The following MAGEB6 variants were observed in gnomAD, a reference collection of about 807,000 sequenced individuals.
MAGEB6 encodes the protein MAGE family member B6.
For synonymous variants in MAGEB6, 128 were observed against 136.2 expected (o/e 0.94, Z 0.42); for missense variants, 327 against 329.7 (o/e 0.99, Z 0.06).
At chrX:26,193,548 G>GC (rs1423843647) in intron 1 of MAGEB6, among the ~76,000 whole-genome samples, 2 of 109,615 alleles carry the variant, frequency 1.8e-5, no homozygotes, top group Non-Finnish European at 3.8e-5. Context: ...GAACAGAGGG[G>GC]CCCCCACTGC....
At position 26,194,514 on chromosome X, in the gene MAGEB6, A is replaced by T; in HGVS notation, c.668A>T (p.Lys223Met). ...KESILKADML[K>M]CVRREYKPYF... ...TCCATTTTGAAGGCAGACATGCTGA[A>T]GTGTGTCCGCAGAGAGTACAAGCCC... The change falls in exon 2 of 2, where the codon AAG becomes ATG. Residue 223 changes from lysine (K) to methionine (M), a missense_variant. Coordinates refer to ENST00000379034, the MANE Select transcript of MAGEB6 (RefSeq NM_173523.2). The T allele has an allele frequency of 8.3e-7, 1 of 1,211,806 alleles. No homozygotes were observed. The highest frequency in any genetic ancestry group is 1.1e-6 in the Non-Finnish European group (1 of 895,473).
rs1190930425 is a variant in MAGEB6, at chrX:26,193,798, C to G, written c.-49C>G. ...CTCTCCCATCCAGGTGCCAGCCTTC[C>G]TAGTCTTCCTACCCACACTCCTACC... is the stretch of plus-strand genomic sequence containing the variant. On this transcript the variant is annotated 5_prime_UTR_variant, in exon 2 of 2. Coordinates refer to ENST00000379034, the MANE Select transcript of MAGEB6 (RefSeq NM_173523.2). 9 of 1,130,656 alleles carry G rather than the reference C, an allele frequency of 8.0e-6. No homozygotes were observed. The highest frequency in any genetic ancestry group is 3.0e-5 in the East Asian group (1 of 33,097). 93.2% of individuals were successfully genotyped at this position (1,130,656 alleles called of 1,213,427 possible).
In MAGEB6 at chrX:26,194,393, A is replaced by G. The variant is rs753506759; in HGVS notation, c.547A>G (p.Lys183Glu). ...EDEESVSASQKAIIFKRLSKD... is the reference protein window; with the variant it reads ...EDEESVSASQEAIIFKRLSKD... ...TGAGGAAAGTGTAAGCGCCTCACAG[A>G]AAGCCATCATTTTTAAGCGCTTAAG... Residue 183 changes from lysine (K) to glutamate (E), a missense_variant, in exon 2 of 2, where the codon AAA becomes GAA. Lys to Glu is a moderately conservative substitution (Grantham distance 56). Coordinates refer to ENST00000379034, the MANE Select transcript of MAGEB6 (RefSeq NM_173523.2). 7.4e-6 allele frequency: 9 copies of G among 1,210,530 alleles called. No homozygotes were observed. The African/African-American group carries it at 1.6e-4, about 21-fold the overall frequency.
In MAGEB6 at chrX:26,194,182, T is replaced by C. The variant is rs774183960; in HGVS notation, c.336T>C (p.Thr112=). The C allele has an allele frequency of 1.3e-5, 15 of 1,166,818 alleles. 2 individuals are homozygous for C. In the African/African-American group the frequency reaches 2.7e-4, roughly 21 times the overall value. The change falls in exon 2 of 2, where the codon ACT becomes ACC. Residue 112 remains threonine, a synonymous_variant. Coordinates refer to ENST00000379034, the MANE Select transcript of MAGEB6 (RefSeq NM_173523.2). ...VPQESQGASP[T]GSPDAGVSGS... is the part of the protein sequence containing the mutation. ...AGGAGTCTCAGGGAGCTTCACCCAC[T>C]GGCTCTCCTGATGCAGGTGTTTCAG...
rs375799757 is a variant in MAGEB6 at position 26,194,004 on chromosome X, G to A, written c.158G>A (p.Arg53His). The change falls in exon 2 of 2, where the codon CGT (arginine) becomes CAT (histidine). Residue 53 changes from arginine (R) to histidine (H), a missense_variant. Arg to His is a conservative substitution (Grantham distance 29). Coordinates refer to ENST00000379034, the MANE Select transcript of MAGEB6 (RefSeq NM_173523.2). ...TCTCGCGCTTGTCTGGGTGATTGTC[G>A]TAGGTCTTCTGATGCCTCCATTCCT... ...SSSRACLGDC[R>H]RSSDASIPQE... The A allele has an allele frequency of 1.0e-4, 124 of 1,210,038 alleles. 1 individual carries two copies. In the Admixed American group the frequency reaches 2.1e-3, roughly 20 times the overall value.
rs879198314 is a variant in MAGEB6, at chrX:26,194,253, C to G, written c.407C>G (p.Pro136Arg). Reference protein sequence around the residue: ...VAANGQDEKSPSTSHDVSVPQ... With the variant: ...VAANGQDEKSRSTSHDVSVPQ... ...GCCAACGGCCAAGATGAGAAAAGTC[C>G]AAGCACTTCCCATGATGTCTCCGTT... The change falls in exon 2 of 2, where the codon CCA (proline) becomes CGA (arginine). Residue 136 changes from proline (P) to arginine (R), a missense_variant. By Grantham distance (103) the Pro-to-Arg change is moderately radical. Coordinates refer to ENST00000379034, the MANE Select transcript of MAGEB6 (RefSeq NM_173523.2). 8.3e-7 allele frequency: 1 copy of G among 1,202,903 alleles called. No individual in the cohort carries two copies. The highest frequency in any genetic ancestry group is 1.8e-5 in the African/African-American group (1 of 55,413).
chrX:26,192,793 T>C (rs1929128171), intron 1 of MAGEB6, among the ~76,000 whole-genome samples: 1 of 111,507 alleles, frequency 9.0e-6, no homozygotes, highest in African/African-American at 3.3e-5. Flanking sequence ...CTCCTTAGAA[T>C]TGAGGGAGGG....
chrX:26,195,292 A>C lies in MAGEB6; in HGVS notation c.*222A>C, dbSNP rs914750218. ...TGCAGATTTATGTTTTATCTCTGTC[A>C]GTTATCAACATTGTTCCTGTTAAGT... On this transcript the variant is annotated 3_prime_UTR_variant, in exon 2 of 2. Transcript: ENST00000379034. The C allele has an allele frequency of 2.6e-6, 1 of 384,349 alleles. No individual in the cohort carries two copies. Among genetic ancestry groups the C allele is most frequent in the Non-Finnish European group, 4.6e-6 (1 of 219,363 alleles). 31.7% of individuals were successfully genotyped at this position (384,349 alleles called of 1,213,427 possible).
chrX:26,194,002 T>C lies in MAGEB6; in HGVS notation c.156T>C (p.Cys52=), dbSNP rs765070672. 1.9e-5 allele frequency: 23 copies of C among 1,210,061 alleles called. No homozygotes were observed. The Middle Eastern group carries it at 1.4e-3, about 72-fold the overall frequency. The change falls in exon 2 of 2, where the codon TGT becomes TGC. Residue 52 remains cysteine (C), a synonymous_variant. Coordinates refer to ENST00000379034, the MANE Select transcript of MAGEB6 (RefSeq NM_173523.2). ...SSSSRACLGD[C]RRSSDASIPQ... ...CTTCTCGCGCTTGTCTGGGTGATTG[T>C]CGTAGGTCTTCTGATGCCTCCATTC... is the stretch of plus-strand genomic sequence containing the variant.
intron 1 of MAGEB6, 117 bp downstream of exon 1, chrX:26,192,644 G>T (rs1929125975): frequency 9.0e-6 from 1 of 111,510 alleles, no homozygotes; most frequent in African/African-American, 3.3e-5. Context: ...TCCCTGAGGA[G>T]TCCCCAAACA....
chrX:26,192,653 C>T (rs1226531406), intron 1 of MAGEB6, 126 bp downstream of exon 1: 1 of 111,612 alleles, frequency 9.0e-6, no homozygotes, highest in African/African-American at 3.3e-5. Context: ...AGTCCCCAAA[C>T]ATGGCTGTTA....
chrX:26,195,135 A>T lies in MAGEB6; in HGVS notation c.*65A>T. ...GGGGCCATATCCTACAGATCCTCCCATTTCTAGGGAGGTCTGAAGTAGAAT... is the reference window on the plus strand; with the variant it reads ...GGGGCCATATCCTACAGATCCTCCCTTTTCTAGGGAGGTCTGAAGTAGAAT... On this transcript the variant is annotated 3_prime_UTR_variant, in exon 2 of 2. Transcript: ENST00000379034. The T allele has an allele frequency of 8.9e-7, 1 of 1,118,691 alleles. No homozygotes were observed. Among genetic ancestry groups the T allele is most frequent in the Non-Finnish European group, 1.2e-6 (1 of 833,663 alleles). The allele number at this position is 1,118,691 out of a possible 1,213,427, so 92.2% of individuals were successfully genotyped here. A position where few individuals can be genotyped will look rare whatever the true frequency, so the allele number is the denominator to read the frequency against.
At position 26,193,966 on chromosome X, in the gene MAGEB6, T is replaced by C; in HGVS notation, c.120T>C (p.Ser40=). The C allele has an allele frequency of 5.8e-6, 7 of 1,211,557 alleles. No individual in the cohort carries two copies. The highest frequency in any genetic ancestry group is 7.8e-6 in the Non-Finnish European group (7 of 895,288). Residue 40 remains serine, a synonymous_variant, in exon 2 of 2, where the codon TCT becomes TCC. Transcript: ENST00000379034. ...CAGAGAAGCAGGAAGAGTCCCACTC[T>C]TCCTCATCCTCTTCTCGCGCTTGTC... is the stretch of plus-strand genomic sequence containing the variant. ...ATAEKQEESH[S]SSSSSRACLG...
At chrX:26,192,636 C>T (rs1487753564) in intron 1 of MAGEB6, 109 bp downstream of exon 1, 2 of 111,496 alleles carry the variant, frequency 1.8e-5, no homozygotes, top group East Asian at 2.8e-4. Flanking sequence ...CGACCTGGTC[C>T]CTGAGGAGTC....
rs769254324 is a variant in MAGEB6 at position 26,194,138 on chromosome X, C to T, written c.292C>T (p.Arg98Cys). 1.4e-5 allele frequency: 17 copies of T among 1,173,871 alleles called. No homozygotes were observed. The highest frequency in any genetic ancestry group is 1.9e-5 in the South Asian group (1 of 53,111). The change falls in exon 2 of 2, where the codon CGT becomes TGT. Residue 98 changes from arginine (R) to cysteine (C), a missense_variant. Arg to Cys is a radical substitution (Grantham distance 180). Transcript: ENST00000379034. Reference sequence around the variant, plus strand: ...AGATGAGAAAAGTCCAAGCACCTCCCGTGATGCCTCCGTTCCTCAGGAGTC... The same window carrying T: ...AGATGAGAAAAGTCCAAGCACCTCCTGTGATGCCTCCGTTCCTCAGGAGTC... ...GQDEKSPSTS[R>C]DASVPQESQG...
intron 1 of MAGEB6, among the ~76,000 whole-genome samples, chrX:26,193,119 C>T (rs1385741609): frequency 9.0e-6 from 1 of 111,319 alleles, no homozygotes; most frequent in African/African-American, 3.3e-5. Flanking sequence ...GAAGTGCTTC[C>T]TTATTTCCTC....
At position 26,193,892 on chromosome X, in the gene MAGEB6, C is replaced by T; in HGVS notation, c.46C>T (p.Gln16Ter). The T allele has an allele frequency of 8.4e-7, 1 of 1,190,583 alleles. No individual in the cohort carries two copies. Among genetic ancestry groups the T allele is most frequent in the Non-Finnish European group, 1.1e-6 (1 of 884,705 alleles). ...KSKLRTCEKR[Q>*]ETNGQPQGLT... ...TAAGCTCCGTACCTGTGAGAAACGC[C>T]AAGAGACCAATGGTCAGCCACAGGG... Residue 16 changes from glutamine (Q) to a stop codon, truncating the protein, a stop_gained, in exon 2 of 2, where the codon CAA becomes TAA. Coordinates refer to ENST00000379034, the MANE Select transcript of MAGEB6 (RefSeq NM_173523.2). LOFTEE classifies it low-confidence loss of function (END_TRUNC).
chrX:26,193,923 C>G lies in MAGEB6; in HGVS notation c.77C>G (p.Thr26Arg). The stretch of plus-strand genomic sequence containing the variant: ...ACCAATGGTCAGCCACAGGGTCTCA[C>G]GGGTCCCCAGGCCACTGCAGAGAAG... ...QETNGQPQGL[T>R]GPQATAEKQE... The change falls in exon 2 of 2, where the codon ACG (threonine) becomes AGG (arginine). Residue 26 changes from threonine (T) to arginine (R), a missense_variant. Coordinates refer to ENST00000379034, the MANE Select transcript of MAGEB6 (RefSeq NM_173523.2). 1 of 1,206,332 alleles carries G rather than the reference C, an allele frequency of 8.3e-7. No individual in the cohort carries two copies. The highest frequency in any genetic ancestry group is 1.1e-6 in the Non-Finnish European group (1 of 892,463).
chrX:26,195,434 A>G lies in MAGEB6; in HGVS notation c.*364A>G. 1 of 165,895 alleles carries G rather than the reference A, an allele frequency of 6.0e-6. No individual in the cohort carries two copies. Among genetic ancestry groups the G allele is most frequent in the Admixed American group, 7.4e-5 (1 of 13,599 alleles). 13.7% of individuals were successfully genotyped at this position (165,895 alleles called of 1,213,427 possible). On this transcript the variant is annotated 3_prime_UTR_variant, in exon 2 of 2. Transcript: ENST00000379034. ...AATTAATAAAACAAAGTCATACAAC[A>G]CATTTTCTTTGTAATTGAGAACTAG...
Sources: gnomAD v4.1 joint callset for allele counts (sites outside exome capture counted in the v4.1 genomes callset) on GRCh38, gnomAD v4.1.1 for gene constraint, MANE v1.5 for transcripts, NCBI Gene and HGNC (gene_info 2026-07-23, HGNC 2026-07-21) for gene names.